Variants in TNRC6A observed in about 807,000 individuals in gnomAD.
TNRC6A encodes trinucleotide repeat containing adaptor 6A.
In TNRC6A, 44 loss-of-function variants were observed where a neutral mutation model predicts 221.2. The ratio of observed to expected loss-of-function variants is 0.20; its 90% CI spans 0.16 to 0.26. TNRC6A has a LOEUF of 0.26. Ranked by LOEUF, TNRC6A falls within the 10% of genes least tolerant of loss-of-function variation. The pLI is 1.00. For missense variants in TNRC6A, 2,199 were observed against 2,404.4 expected (o/e 0.91, Z 1.79); for synonymous variants, 847 against 838.5 (o/e 1.01, Z -0.18).
intron 2 of TNRC6A, among the ~76,000 whole-genome samples, chr16:24,710,969 G>A (rs1050454869): frequency 1.8e-4 from 28 of 151,756 alleles, no homozygotes; most frequent in Admixed American, 1.6e-3. Context: ...TCCACCTCCC[G>A]GGTTCAAGGG....
chr16:24,656,436 C>T (rs2054914496), intron 2 of TNRC6A, among the ~76,000 whole-genome samples: 1 of 135,140 alleles, frequency 7.4e-6, no homozygotes, highest in South Asian at 2.2e-4. Flanking sequence ...CACTGCACTC[C>T]AGCCTGGGCA....
In TNRC6A at chr16:24,815,318, CT is replaced by C; in HGVS notation, c.4831+14del. 2 of 1,613,660 alleles carry C rather than the reference CT, an allele frequency of 1.2e-6. No individual in the cohort carries two copies. The highest frequency in any genetic ancestry group is 1.7e-6 in the Non-Finnish European group (2 of 1,179,676). ...AATTGGCCACCAGGTAAAATTTTTT[CT>C]AACACTTTCTTTCATGAGACTGTGT... On this transcript the variant is annotated intron_variant, in intron 19 of 24. Transcript: ENST00000395799.
chr16:24,651,559 A>AAAAAAAAAAAAAAAAAC (rs1567326239), intron 2 of TNRC6A, among the ~76,000 whole-genome samples: 1 of 139,930 alleles, frequency 7.1e-6, no homozygotes, highest in Non-Finnish European at 1.5e-5. Flanking sequence ...AAAAAAAAAA[A>AAAAAAAAAAAAAAAAAC]AAAAACATAA....
At chr16:24,615,773 C>A (rs1205317610) in intron 1 of TNRC6A, among the ~76,000 whole-genome samples, 1 of 152,162 alleles carries the variant, frequency 6.6e-6, no homozygotes, top group East Asian at 1.9e-4. Context: ...TGCCTGTAAT[C>A]CCAGCTACTC....
chr16:24,815,058 A>T (rs1178645183), intron 18 of TNRC6A, 89 bp from the exon 19 acceptor site: 1 of 1,454,410 alleles, frequency 6.9e-7, no homozygotes, highest in African/African-American at 1.4e-5. Flanking sequence ...CAGATCTAAT[A>T]GAAAGTGTTC....
chr16:24,798,145 G>C (rs1596754229), intron 11 of TNRC6A, 179 bp downstream of exon 11: 1 of 463,890 alleles, frequency 2.2e-6, no homozygotes, highest in African/African-American at 2.0e-5. Context: ...CCACTGTGCA[G>C]ATCAGTGGTG....
chr16:24,806,589 G>A lies in TNRC6A; in HGVS notation c.4345G>A (p.Val1449Met). The A allele has an allele frequency of 1.2e-6, 2 of 1,614,178 alleles. No homozygotes were observed. Among genetic ancestry groups the A allele is most frequent in the South Asian group, 1.1e-5 (1 of 91,084 alleles). Residue 1449 changes from valine to methionine, a missense_variant, in exon 17 of 25, where the codon GTG (valine) becomes ATG (methionine). Coordinates refer to ENST00000395799, the MANE Select transcript of TNRC6A (RefSeq NM_014494.4). ...TTGTTTTAAGGGTCGACCTCTTAGT[G>A]TGCAGCAGCAAATGATGCAACAATC... ...QQDQQGRPLS[V>M]QQQMMQQSRQ...
At chr16:24,697,219 AAAAAT>A (rs2055882480) in intron 2 of TNRC6A, among the ~76,000 whole-genome samples, 1 of 152,328 alleles carries the variant, frequency 6.6e-6, no homozygotes, top group South Asian at 2.1e-4. Flanking sequence ...CATGTCAACT[AAAAAT>A]AAAAGGAAAA....
At chr16:24,626,523 T>G (rs755923666) in intron 1 of TNRC6A, among the ~76,000 whole-genome samples, 13 of 152,076 alleles carry the variant, frequency 8.5e-5, no homozygotes, top group Admixed American at 1.3e-4. Context: ...CTTTCAAGCC[T>G]TTTCCTGCTT....
intron 2 of TNRC6A, among the ~76,000 whole-genome samples, chr16:24,749,656 T>C (rs945505263): frequency 4.6e-5 from 7 of 152,202 alleles, no homozygotes; most frequent in Non-Finnish European, 1.0e-4. Context: ...TTGGGTGGGG[T>C]GGCTTTTGCT....
intron 18 of TNRC6A, among the ~76,000 whole-genome samples, chr16:24,813,500 A>G (rs2058591394): frequency 6.6e-6 from 1 of 152,210 alleles, no homozygotes; most frequent in South Asian, 2.1e-4. Context: ...TGCAAAAGAC[A>G]TGATCGCATT....
chr16:24,633,825 C>T (rs1901481399), intron 1 of TNRC6A, among the ~76,000 whole-genome samples: 3 of 151,068 alleles, frequency 2.0e-5, no homozygotes, highest in South Asian at 4.2e-4. Context: ...CTTTGATGCC[C>T]AGCCTGGAGT....
chr16:24,707,497 TA>T (rs2056120149), intron 2 of TNRC6A, among the ~76,000 whole-genome samples: 3 of 151,938 alleles, frequency 2.0e-5, no homozygotes. Flanking sequence ...TAGGCTAAAT[TA>T]AAAGGTAGGT....
chr16:24,760,930 G>A (rs941673048), intron 4 of TNRC6A, among the ~76,000 whole-genome samples: 3 of 152,138 alleles, frequency 2.0e-5, no homozygotes, highest in Non-Finnish European at 4.4e-5. Flanking sequence ...GATCCGATGC[G>A]AAATGCTGCC....
At chr16:24,718,041 G>A (rs1219754674) in intron 2 of TNRC6A, among the ~76,000 whole-genome samples, 1 of 152,100 alleles carries the variant, frequency 6.6e-6, no homozygotes, top group Non-Finnish European at 1.5e-5. Flanking sequence ...GCCTCCCAAA[G>A]TGCTGGGACT....
At chr16:24,768,388 G>A (rs542081947) in intron 4 of TNRC6A, among the ~76,000 whole-genome samples, 3 of 145,940 alleles carry the variant, frequency 2.1e-5, no homozygotes, top group South Asian at 4.3e-4. Flanking sequence ...AGCCAAGATC[G>A]TGCCACTGCA....
At chr16:24,661,244 C>T (rs1000800836) in intron 2 of TNRC6A, among the ~76,000 whole-genome samples, 19 of 152,190 alleles carry the variant, frequency 1.2e-4, no homozygotes, top group African/African-American at 4.3e-4. Flanking sequence ...CACCCTTCCC[C>T]TTCTGAGTCT....
chr16:24,660,992 C>T (rs1481014213), intron 2 of TNRC6A, among the ~76,000 whole-genome samples: 1 of 152,042 alleles, frequency 6.6e-6, no homozygotes, highest in African/African-American at 2.4e-5. Flanking sequence ...CCACCCATCT[C>T]GGCCTCCCAA....
chr16:24,730,621 G>C (rs955251711), intron 2 of TNRC6A, among the ~76,000 whole-genome samples: 1 of 151,930 alleles, frequency 6.6e-6, no homozygotes, highest in Non-Finnish European at 1.5e-5. Flanking sequence ...GGCATTGTGT[G>C]ACTCATGATT....
Sources: allele counts gnomAD v4.1 joint callset (sites outside exome capture counted in the v4.1 genomes callset), GRCh38; gene constraint gnomAD v4.1.1; transcripts MANE v1.5; gene names NCBI Gene and HGNC (gene_info 2026-07-23, HGNC 2026-07-21).